Variants in GRID2 observed in about 807,000 individuals in gnomAD.
The protein encoded by GRID2 is glutamate ionotropic receptor delta type subunit 2, also known as glutamate receptor ionotropic, delta-2.
GRID2 carries 33 observed loss-of-function variants against 114.8 expected under a neutral mutation model. That is an observed-to-expected ratio of 0.29 (90% CI 0.22 to 0.38). GRID2 has a LOEUF of 0.38. GRID2 is among the 10% of genes least tolerant of loss of function. GRID2 has a pLI of 1.00. For missense variants in GRID2, 1,184 were observed against 1,257.7 expected (o/e 0.94, Z 0.89); for synonymous variants, 505 against 449.9 (o/e 1.12, Z -1.55).
At chr4:92,774,820 C>A (rs1395173597) in intron 2 of GRID2, among the ~76,000 whole-genome samples, 2 of 151,912 alleles carry the variant, frequency 1.3e-5, no homozygotes, top group African/African-American at 4.8e-5. Flanking sequence ...GGTCTCAAAC[C>A]TCTGGGCTCA....
At chr4:92,354,131 GC>G (rs1232063405) in intron 1 of GRID2, among the ~76,000 whole-genome samples, 1 of 152,002 alleles carries the variant, frequency 6.6e-6, no homozygotes, top group Non-Finnish European at 1.5e-5. Context: ...CTGCTCTGCT[GC>G]CTCCAGAACC....
At chr4:92,474,946 G>A (rs958693716) in intron 1 of GRID2, among the ~76,000 whole-genome samples, 5 of 96,406 alleles carry the variant, frequency 5.2e-5, no homozygotes, top group East Asian at 6.5e-4. Context: ...CTCTTCATTC[G>A]GTTGATTGTT....
chr4:92,495,849 C>T (rs1201507689), intron 1 of GRID2, among the ~76,000 whole-genome samples: 1 of 151,818 alleles, frequency 6.6e-6, no homozygotes, highest in Non-Finnish European at 1.5e-5. Context: ...AGAACATATT[C>T]CTATGCTTCT....
At chr4:93,780,589 C>T (rs969903671) in intron 1 of GRID2, among the ~76,000 whole-genome samples, 1 of 152,162 alleles carries the variant, frequency 6.6e-6, no homozygotes, top group Non-Finnish European at 1.5e-5. Context: ...TCATAACTGC[C>T]GACACCTTCC....
chr4:93,581,133 C>G lies in GRID2; in HGVS notation c.2194-45136C>G, dbSNP rs534086248. On this transcript the variant is annotated intron_variant, in intron 13 of 15. Coordinates refer to ENST00000282020, the MANE Select transcript of GRID2 (RefSeq NM_001510.4). ...CCAACAGCCCCCCGTGTGTAGTGTT[C>G]CCCTCCCTGTGTCCATGTGTTCTCA... Among the ~76,000 whole-genome samples the G allele has an allele frequency of 3.5e-3, 384 of 108,832 alleles. 3 individuals are homozygous for G. Among genetic ancestry groups the G allele is most frequent in the African/African-American group, 0.012 (338 of 28,306 alleles). The allele number at this position is 108,832 out of a possible 152,430, so 71.4% of individuals were successfully genotyped here.
At chr4:92,651,125 T>C (rs1731907839) in intron 2 of GRID2, among the ~76,000 whole-genome samples, 1 of 152,018 alleles carries the variant, frequency 6.6e-6, no homozygotes, top group South Asian at 2.1e-4. Flanking sequence ...GCATAGATGG[T>C]AGTTTTGGCA....
At chr4:93,576,905 T>C (rs1468086622) in intron 13 of GRID2, among the ~76,000 whole-genome samples, 1 of 152,194 alleles carries the variant, frequency 6.6e-6, no homozygotes, top group Admixed American at 6.5e-5. Context: ...ACAGTTTTCC[T>C]GGAAATGGAA....
At chr4:92,339,406 A>G (rs753479042) in intron 1 of GRID2, among the ~76,000 whole-genome samples, 1 of 152,176 alleles carries the variant, frequency 6.6e-6, no homozygotes, top group Non-Finnish European at 1.5e-5. Context: ...CTATCCTATG[A>G]TAGCAAAGGA....
chr4:92,756,768 AG>A (rs1737738955), intron 2 of GRID2, among the ~76,000 whole-genome samples: 1 of 151,966 alleles, frequency 6.6e-6, no homozygotes, highest in Non-Finnish European at 1.5e-5. Context: ...TCTTTTGAGT[AG>A]TGTGTATTTA....
intron 8 of GRID2, among the ~76,000 whole-genome samples, chr4:93,351,120 T>C (rs1309232385): frequency 1.3e-5 from 2 of 152,080 alleles, no homozygotes; most frequent in Admixed American, 1.3e-4. Flanking sequence ...GCCCTTGATA[T>C]GTGGGGATTA....
chr4:93,265,151 G>GT (rs980128659), intron 8 of GRID2, among the ~76,000 whole-genome samples: 3 of 151,870 alleles, frequency 2.0e-5, no homozygotes, highest in African/African-American at 7.3e-5. Context: ...TTCTATTTTG[G>GT]TTTTTTTCCC....
At chr4:92,853,914 A>G (rs1744000415) in intron 2 of GRID2, among the ~76,000 whole-genome samples, 1 of 151,636 alleles carries the variant, frequency 6.6e-6, no homozygotes, top group Non-Finnish European at 1.5e-5. Flanking sequence ...CTGGGTGATG[A>G]TATCTGTGCA....
intron 2 of GRID2, among the ~76,000 whole-genome samples, chr4:93,044,330 G>C (rs1725916574): frequency 6.6e-6 from 1 of 151,836 alleles, no homozygotes; most frequent in Non-Finnish European, 1.5e-5. Flanking sequence ...GAAAAGAATG[G>C]GATCTCGATG....
intron 13 of GRID2, among the ~76,000 whole-genome samples, chr4:93,517,965 ATACATACAT>A (rs1729924605): frequency 2.8e-5 from 1 of 35,558 alleles, no homozygotes; most frequent in African/African-American, 1.3e-4. Flanking sequence ...ATGTATGTAT[ATACATACAT>A]GTACATGTAT....
chr4:93,785,870 A>G (rs1734580935), intron 1 of GRID2, among the ~76,000 whole-genome samples: 1 of 152,096 alleles, frequency 6.6e-6, no homozygotes, highest in Non-Finnish European at 1.5e-5. Context: ...TACTAGAGAG[A>G]GCTGTAGTGG....
At chr4:93,425,846 G>A (rs74386880) in intron 10 of GRID2, among the ~76,000 whole-genome samples, 7 of 152,230 alleles carry the variant, frequency 4.6e-5, no homozygotes, top group African/African-American at 1.4e-4. Flanking sequence ...ATAAAGGAGG[G>A]CTCTACCCCG....
chr4:93,463,881 C>G (rs545304739), intron 11 of GRID2, among the ~76,000 whole-genome samples: 2 of 151,836 alleles, frequency 1.3e-5, no homozygotes, highest in Non-Finnish European at 2.9e-5. Context: ...CCCAGCTACT[C>G]GGGAGGCTGA....
chr4:92,742,812 C>T (rs774560825), intron 2 of GRID2, among the ~76,000 whole-genome samples: 2 of 152,118 alleles, frequency 1.3e-5, no homozygotes, highest in African/African-American at 4.8e-5. Context: ...GCATCAGGAA[C>T]CTCTCTCTAG....
chr4:92,473,393 T>G (rs995118878), intron 1 of GRID2, among the ~76,000 whole-genome samples: 1 of 152,098 alleles, frequency 6.6e-6, no homozygotes, highest in Non-Finnish European at 1.5e-5. Context: ...TTTTTTCACT[T>G]TTTAATGGCT....
Sources: gnomAD v4.1 joint callset for allele counts (sites outside exome capture counted in the v4.1 genomes callset) on GRCh38, gnomAD v4.1.1 for gene constraint, MANE v1.5 for transcripts, NCBI Gene and HGNC (gene_info 2026-07-23, HGNC 2026-07-21) for gene names.